The following MTOR variants were observed in gnomAD, a reference collection of about 807,000 sequenced individuals.
The protein encoded by MTOR is mechanistic target of rapamycin kinase.
MTOR carries 70 observed loss-of-function variants against 319.8 expected under a neutral mutation model. That is an observed-to-expected ratio of 0.22 (90% CI 0.18 to 0.27). The LOEUF is 0.27. MTOR is among the 10% of genes least tolerant of loss of function. The probability of loss-of-function intolerance (pLI) is 1.00; values close to 1 mark genes in which losing one functional copy is unlikely to be tolerated. For synonymous variants in MTOR, 1,183 were observed against 1,211.4 expected (o/e 0.98, Z 0.49); for missense variants, 1,890 against 3,274.4 (o/e 0.58, Z 10.32).
Position 11,112,874 on chromosome 1 carries a change from G to A in MTOR, c.7344C>T (p.Ser2448=). Residue 2448 remains serine, a synonymous_variant, in exon 54 of 58, where the codon TCC becomes TCT. Coordinates refer to ENST00000361445, the MANE Select transcript of MTOR (RefSeq NM_004958.4). ...GNKRSRTRTD[S]YSAGQSVEIL... ...TACCGACTGACTGGCCAGCAGAGTA[G>A]GAATCCGTCCTCGTTCGGGATCGCT... 1 of 1,614,258 alleles carries A rather than the reference G, an allele frequency of 6.2e-7. No homozygotes were observed. The highest frequency in any genetic ancestry group is 1.3e-5 in the African/African-American group (1 of 75,078).
At chr1:11,217,352 C>T (rs1214830051) in intron 19 of MTOR, among the ~76,000 whole-genome samples, 7 of 151,984 alleles carry the variant, frequency 4.6e-5, no homozygotes, top group Admixed American at 1.3e-4. Context: ...TAGTATTACA[C>T]GCCAGTAATA....
chr1:11,118,514 C>G (rs373536615), intron 49 of MTOR, among the ~76,000 whole-genome samples: 1 of 151,086 alleles, frequency 6.6e-6, no homozygotes, highest in African/African-American at 2.4e-5. Context: ...GGATTACAGG[C>G]GTGAACCACC....
chr1:11,240,175 C>G lies in MTOR; in HGVS notation c.1786+128G>C, dbSNP rs146429925. On this transcript the variant is annotated intron_variant, in intron 11 of 57. Transcript: ENST00000361445. ...GTGGAAAGAGTCTAGGAAGGATGAGCTGCTACAGAATCAGCTACCCTGTCT... is the reference window on the plus strand; with the variant it reads ...GTGGAAAGAGTCTAGGAAGGATGAGGTGCTACAGAATCAGCTACCCTGTCT... 3.6e-4 allele frequency: 455 copies of G among 1,277,918 alleles called. 1 individual carries two copies. The African/African-American group carries it at 6.1e-3, about 17-fold the overall frequency. 79.2% of individuals were successfully genotyped at this position (1,277,918 alleles called of 1,614,324 possible). A position where few individuals can be genotyped will look rare whatever the true frequency, so the allele number is the denominator to read the frequency against.
intron 28 of MTOR, among the ~76,000 whole-genome samples, chr1:11,188,003 A>G (rs6700454): frequency 0.028 from 4,238 of 152,294 alleles, 171 homozygotes; most frequent in African/African-American, 0.095. Context: ...ATTGTTCAGT[A>G]ACTCCAGCTG....
In MTOR at chr1:11,231,412, T is replaced by C. The variant is rs762881935; in HGVS notation, c.2537A>G (p.Gln846Arg). ...KRQVALWTLG[Q>R]LVASTGYVVE... ...TACATAGCCAGTGCTGGCCACCAAC[T>C]GTCCCAGGGTCCACAGAGCCACCTG... The change falls in exon 17 of 58, where the codon CAG becomes CGG. Residue 846 changes from glutamine to arginine, a missense_variant. This residue lies in a region of MTOR where 377 missense variants were observed against 653.9 expected (regional missense o/e 0.58). Coordinates refer to ENST00000361445, the MANE Select transcript of MTOR (RefSeq NM_004958.4). The C allele has an allele frequency of 1.2e-6, 2 of 1,614,108 alleles. No individual in the cohort carries two copies. Among genetic ancestry groups the C allele is most frequent in the South Asian group, 2.2e-5 (2 of 91,080 alleles).
At chr1:11,155,610 G>A (rs929849045) in intron 30 of MTOR, among the ~76,000 whole-genome samples, 1 of 152,104 alleles carries the variant, frequency 6.6e-6, no homozygotes, top group East Asian at 1.9e-4. Context: ...GAACAAAAAG[G>A]CCTACTAAAA....
chr1:11,242,497 T>C (rs578154016), intron 9 of MTOR, among the ~76,000 whole-genome samples: 91 of 22,438 alleles, frequency 4.1e-3, no homozygotes, highest in African/African-American at 6.6e-3. Context: ...TAAGACTCCA[T>C]CTCAAAAAAA....
Position 11,108,187 on chromosome 1 carries a change from A to G in MTOR, c.7628T>C (p.Ile2543Thr), listed in dbSNP as rs2100279708. 1 of 1,612,688 alleles carries G rather than the reference A, an allele frequency of 6.2e-7. No individual in the cohort carries two copies. The highest frequency in any genetic ancestry group is 8.5e-7 in the Non-Finnish European group (1 of 1,178,758). Reference protein sequence around the residue: ...TSHENLCQCYIGWCPFW With the variant: ...TSHENLCQCYTGWCPFW ...CTTTGAGAGCCCCACTCACCAGCCAATATAGCACTGGCAGAGGTTTTCATG... is the reference window on the plus strand; with the variant it reads ...CTTTGAGAGCCCCACTCACCAGCCAGTATAGCACTGGCAGAGGTTTTCATG... Residue 2543 changes from isoleucine (I) to threonine (T), a missense_variant, in exon 57 of 58, where the codon ATT becomes ACT. Physicochemically the swap from Ile to Thr is moderately conservative, Grantham distance 89. This residue lies in a region of MTOR where 31 missense variants were observed against 82.1 expected (regional missense o/e 0.38). Transcript: ENST00000361445.
At chr1:11,197,763 G>A (rs934180750) in intron 28 of MTOR, among the ~76,000 whole-genome samples, 1 of 152,074 alleles carries the variant, frequency 6.6e-6, no homozygotes, top group Admixed American at 6.6e-5. Flanking sequence ...GGCTGGTCTC[G>A]AACTCCTGAC....
At chr1:11,216,554 G>A (rs558226435) in intron 19 of MTOR, among the ~76,000 whole-genome samples, 31 of 152,078 alleles carry the variant, frequency 2.0e-4, no homozygotes, top group African/African-American at 6.3e-4. Flanking sequence ...TGCTAAGGTG[G>A]GAGAAATGCT....
At chr1:11,107,684 C>T (rs1429803632) in intron 57 of MTOR, among the ~76,000 whole-genome samples, 184 bp from the exon 58 acceptor site, 3 of 152,194 alleles carry the variant, frequency 2.0e-5, no homozygotes, top group African/African-American at 4.8e-5. Flanking sequence ...ACCGAGGTCC[C>T]GCAAGGACAC....
At chr1:11,126,837 G>A (rs775219462) in intron 45 of MTOR, 41 bp from the exon 46 acceptor site, 1 of 1,598,346 alleles carries the variant, frequency 6.3e-7, no homozygotes. Context: ...CTGCCTCCAG[G>A]GAAGAATTTA....
chr1:11,193,793 G>A (rs1645658605), intron 28 of MTOR: 2 of 1,613,264 alleles, frequency 1.2e-6, no homozygotes, highest in Non-Finnish European at 1.7e-6. Flanking sequence ...AAGGCCAGGG[G>A]CCCCATGACT....
At chr1:11,235,223 C>T (rs974698057) in intron 13 of MTOR, among the ~76,000 whole-genome samples, 2 of 152,178 alleles carry the variant, frequency 1.3e-5, no homozygotes, top group African/African-American at 2.4e-5. Flanking sequence ...TGCAGCAGTG[C>T]GGGGCCAATC....
intron 56 of MTOR, among the ~76,000 whole-genome samples, chr1:11,108,690 G>A (rs1641698180): frequency 6.8e-6 from 1 of 146,632 alleles, no homozygotes; most frequent in Non-Finnish European, 1.5e-5. Context: ...TCCAGCCTGG[G>A]TGACAGAGCA....
chr1:11,249,411 A>C (rs951823099), intron 6 of MTOR, among the ~76,000 whole-genome samples: 42 of 123,558 alleles, frequency 3.4e-4, no homozygotes, highest in African/African-American at 1.5e-3. Context: ...CTCCATCTTT[A>C]TTTATTTATT....
intron 15 of MTOR, chr1:11,233,020 A>G: frequency 1.0e-6 from 1 of 971,768 alleles, no homozygotes; most frequent in Non-Finnish European, 1.6e-6. Context: ...CAAAAGTAAA[A>G]TCGTCCCATT....
rs888832857 is a variant in MTOR, at chr1:11,121,888, TGACA to T, written c.6810+87_6810+90del. 9 of 1,498,232 alleles carry T rather than the reference TGACA, an allele frequency of 6.0e-6. No individual in the cohort carries two copies. Among genetic ancestry groups the T allele is most frequent in the African/African-American group, 4.2e-5 (3 of 72,234 alleles). 92.8% of individuals were successfully genotyped at this position (1,498,232 alleles called of 1,614,324 possible). A position where few individuals can be genotyped will look rare whatever the true frequency, so the allele number is the denominator to read the frequency against. ...TGATTCTCTCAAAGAGATTTTTCAG[TGACA>T]GACATACAGAGAGGAATGAGAAAAG... On this transcript the variant is annotated intron_variant, in intron 48 of 57. Coordinates refer to ENST00000361445, the MANE Select transcript of MTOR (RefSeq NM_004958.4). This position sits in a 1 kb window ranked among gnomAD's most constrained non-coding sequence, Gnocchi z 4.9.
At chr1:11,216,562 G>A (rs1646476641) in intron 19 of MTOR, among the ~76,000 whole-genome samples, 1 of 151,670 alleles carries the variant, frequency 6.6e-6, no homozygotes, top group Non-Finnish European at 1.5e-5. Context: ...TGGGAGAAAT[G>A]CTTGAGCCCA....
Sources: allele counts gnomAD v4.1 joint callset (sites outside exome capture counted in the v4.1 genomes callset), GRCh38; gene constraint gnomAD v4.1.1; regional missense constraint gnomAD v4.1.1; non-coding constraint Gnocchi (gnomAD v3.1); transcripts MANE v1.5; gene names NCBI Gene and HGNC (gene_info 2026-07-23, HGNC 2026-07-21).